The following MAML3 variants were observed in gnomAD, a reference collection of about 807,000 sequenced individuals.
MAML3 encodes mastermind-like protein 3.
A neutral mutation model predicts 101.9 loss-of-function variants in MAML3; 27 were observed. The ratio of observed to expected loss-of-function variants is 0.27; its 90% CI spans 0.20 to 0.37. MAML3 has a LOEUF of 0.37. Ranked by LOEUF, MAML3 falls within the 10% of genes least tolerant of loss-of-function variation. MAML3 has a pLI of 1.00. For missense variants in MAML3, 1,316 were observed against 1,444.9 expected, an observed-to-expected ratio of 0.91 and a Z score of 1.45; for synonymous variants, 501 against 555.9, an observed-to-expected ratio of 0.90 and a Z score of 1.39.
chr4:139,847,896 T>C (rs942387879), intron 2 of MAML3, among the ~76,000 whole-genome samples: 1 of 152,174 alleles, frequency 6.6e-6, no homozygotes, highest in South Asian at 2.1e-4. Context: ...ATTCAGGCTA[T>C]TTTGTTTGTT....
In MAML3 at chr4:139,985,449, C is replaced by T. The variant is rs192059821; in HGVS notation, c.469-94482G>A. Among the ~76,000 whole-genome samples, 20 of 152,334 alleles carry T rather than the reference C, an allele frequency of 1.3e-4. No individual in the cohort carries two copies. The East Asian group carries it at 3.3e-3, about 25-fold the overall frequency. On this transcript the variant is annotated intron_variant, in intron 1 of 4. Transcript: ENST00000509479. The stretch of plus-strand genomic sequence containing the variant: ...TAAGCAGAAGGATTATTACAATAAT[C>T]TATGCAACAACTGAAGTCTCACTGT...
At chr4:139,743,820 T>C (rs56864961) in intron 2 of MAML3, among the ~76,000 whole-genome samples, 35,493 of 152,202 alleles carry the variant, frequency 0.23, 4,421 homozygotes, top group Admixed American at 0.35. Flanking sequence ...CAATCTTGAT[T>C]TCTTTTTTCT....
At chr4:139,927,072 C>CTTTTTTTTTT (rs61573991) in intron 1 of MAML3, among the ~76,000 whole-genome samples, 57 of 134,624 alleles carry the variant, frequency 4.2e-4, no homozygotes, top group Non-Finnish European at 5.3e-4. Flanking sequence ...TTTCTTTTTT[C>CTTTTTTTTTT]TTTTTTTTTT....
intron 2 of MAML3, among the ~76,000 whole-genome samples, chr4:139,762,983 G>A (rs1476960406): frequency 6.6e-6 from 1 of 152,134 alleles, no homozygotes; most frequent in Non-Finnish European, 1.5e-5. Context: ...TCTTGGCACA[G>A]TGTCTTCCTG....
rs528742799 is a variant in MAML3 at position 140,045,309 on chromosome 4, C to T, written c.468+107551G>A. The stretch of plus-strand genomic sequence containing the variant: ...ACTCGGGAGGCTGAGGCAGGAGAAT[C>T]GCTTGAATCCATGAGGTGGAGGCTG... On this transcript the variant is annotated intron_variant, in intron 1 of 4. Coordinates refer to ENST00000509479, the MANE Select transcript of MAML3 (RefSeq NM_018717.5). Among the ~76,000 whole-genome samples, 6 of 149,810 alleles carry T rather than the reference C, an allele frequency of 4.0e-5. No individual in the cohort carries two copies. The South Asian group carries it at 6.3e-4, about 16-fold the overall frequency.
chr4:139,993,210 G>A (rs1734714203), intron 1 of MAML3, among the ~76,000 whole-genome samples: 1 of 151,690 alleles, frequency 6.6e-6, no homozygotes, highest in Non-Finnish European at 1.5e-5. Context: ...AAATTAACCA[G>A]GCATGGTGGC....
chr4:139,998,988 G>A (rs1242609660), intron 1 of MAML3, among the ~76,000 whole-genome samples: 2 of 152,112 alleles, frequency 1.3e-5, no homozygotes, highest in African/African-American at 2.4e-5. Flanking sequence ...ATCTATCTGC[G>A]GGTAGAGGTG....
At chr4:139,941,856 G>T (rs927285658) in intron 1 of MAML3, among the ~76,000 whole-genome samples, 1 of 152,084 alleles carries the variant, frequency 6.6e-6, no homozygotes, top group East Asian at 1.9e-4. Flanking sequence ...ATACCAAGCC[G>T]GTCACGATGG....
At chr4:139,897,580 C>T (rs1173395640) in intron 1 of MAML3, among the ~76,000 whole-genome samples, 4 of 152,164 alleles carry the variant, frequency 2.6e-5, no homozygotes, top group Non-Finnish European at 5.9e-5. Context: ...TCATCTTCCG[C>T]CCACAATGCC....
At chr4:139,729,813 G>T (rs1728628346) in intron 3 of MAML3, among the ~76,000 whole-genome samples, 1 of 152,184 alleles carries the variant, frequency 6.6e-6, no homozygotes, top group Non-Finnish European at 1.5e-5. Context: ...ATTTGTGTTA[G>T]GCTTTCCTTT....
chr4:139,938,002 T>C (rs1578607234), intron 1 of MAML3, among the ~76,000 whole-genome samples: 1 of 152,206 alleles, frequency 6.6e-6, no homozygotes, highest in Non-Finnish European at 1.5e-5. Context: ...TTAGTGGCTG[T>C]CTGCAAGGTA....
chr4:139,814,566 T>C (rs112182584), intron 2 of MAML3, among the ~76,000 whole-genome samples: 11 of 152,316 alleles, frequency 7.2e-5, no homozygotes, highest in African/African-American at 2.4e-4. Flanking sequence ...CCCAAGCTTC[T>C]CTTGATTTGT....
chr4:139,831,298 TAA>T (rs1422963436), intron 2 of MAML3, among the ~76,000 whole-genome samples: 1 of 152,184 alleles, frequency 6.6e-6, no homozygotes, highest in Non-Finnish European at 1.5e-5. Flanking sequence ...TAATGATTTT[TAA>T]AAACCCAAAT....
chr4:139,837,020 G>T (rs544324338), intron 2 of MAML3, among the ~76,000 whole-genome samples: 3 of 151,578 alleles, frequency 2.0e-5, no homozygotes, highest in East Asian at 1.9e-4. Flanking sequence ...TACTCAGGAG[G>T]CTGGGGCTGA....
intron 1 of MAML3, among the ~76,000 whole-genome samples, chr4:140,067,470 G>C (rs973812226): frequency 6.6e-6 from 1 of 152,144 alleles, no homozygotes; most frequent in Admixed American, 6.5e-5. Flanking sequence ...ATGTCTATAT[G>C]TAGTTAAATT....
chr4:139,924,061 G>C (rs1349145778), intron 1 of MAML3, among the ~76,000 whole-genome samples: 1 of 152,072 alleles, frequency 6.6e-6, no homozygotes, highest in African/African-American at 2.4e-5. Flanking sequence ...TCTCTTCCTA[G>C]TGTTTGACAT....
At chr4:140,072,351 G>C (rs1363700919) in intron 1 of MAML3, among the ~76,000 whole-genome samples, 1 of 152,050 alleles carries the variant, frequency 6.6e-6, no homozygotes, top group East Asian at 1.9e-4. Context: ...CATTGTGTTA[G>C]GTATTATAAG....
At chr4:139,746,877 C>T (rs972200822) in intron 2 of MAML3, among the ~76,000 whole-genome samples, 8 of 152,010 alleles carry the variant, frequency 5.3e-5, no homozygotes, top group Admixed American at 3.3e-4. Flanking sequence ...AATAAAAAGC[C>T]TAGGGAGAAT....
intron 1 of MAML3, among the ~76,000 whole-genome samples, chr4:140,046,466 T>C (rs1727184989): frequency 6.6e-6 from 1 of 152,222 alleles, no homozygotes; most frequent in Non-Finnish European, 1.5e-5. Flanking sequence ...AAGATTTAAT[T>C]GAACTTCTTT....
Sources: allele counts gnomAD v4.1 joint callset (sites outside exome capture counted in the v4.1 genomes callset), GRCh38; gene constraint gnomAD v4.1.1; transcripts MANE v1.5; gene names NCBI Gene and HGNC (gene_info 2026-07-23, HGNC 2026-07-21).